The following RHOBTB2 variants were observed in gnomAD, a reference collection of about 807,000 sequenced individuals.
The protein encoded by RHOBTB2 is rho-related BTB domain-containing protein 2.
RHOBTB2 carries 39 observed loss-of-function variants against 66.5 expected under a neutral mutation model. That is an observed-to-expected ratio of 0.59 (90% CI 0.45 to 0.77). RHOBTB2 has a LOEUF of 0.77. Ranked by LOEUF, RHOBTB2 falls within the 30% of genes least tolerant of loss-of-function variation. RHOBTB2 has a pLI of 0.00. For synonymous variants in RHOBTB2, 390 were observed against 395.0 expected (o/e 0.99, Z 0.15); for missense variants, 755 against 999.1 (o/e 0.76, Z 3.29).
chr8:23,006,235 A>G lies in RHOBTB2; in HGVS notation c.482+90A>G, dbSNP rs76359742. On this transcript the variant is annotated intron_variant, in intron 4 of 9. Coordinates refer to ENST00000251822, the MANE Select transcript of RHOBTB2 (RefSeq NM_015178.3). This position sits in a 1 kb window ranked among gnomAD's most constrained non-coding sequence, Gnocchi z 6.1. ...CCCTGGGGGAATTCCACTGAGCCTC[A>G]TATCTCTCCCTCCATTTGGAGCAAG... 1,088 of 1,117,036 alleles carry G rather than the reference A, an allele frequency of 9.7e-4. 11 individuals are homozygous for G. In the African/African-American group the frequency reaches 0.014, roughly 14 times the overall value. The allele number at this position is 1,117,036 out of a possible 1,614,324, so 69.2% of individuals were successfully genotyped here. A position where few individuals can be genotyped will look rare whatever the true frequency, so the allele number is the denominator to read the frequency against.
chr8:22,998,830 C>G (rs996561529), upstream of RHOBTB2: 1 of 151,340 alleles, frequency 6.6e-6, no homozygotes, highest in Non-Finnish European at 1.5e-5. Flanking sequence ...CTTAGAATCT[C>G]TCTATTTTAC....
the RHOBTB2 span, among the ~76,000 whole-genome samples, chr8:22,951,010 GA>G: frequency 2.6e-5 from 4 of 152,058 alleles, no homozygotes; most frequent in Non-Finnish European, 5.9e-5. Flanking sequence ...TGTTAGAAAA[GA>G]AAATGATTTG....
the RHOBTB2 span, among the ~76,000 whole-genome samples, chr8:22,974,423 G>A: frequency 2.0e-5 from 3 of 152,310 alleles, no homozygotes; most frequent in East Asian, 1.9e-4. Context: ...GTGGCCTGCC[G>A]GCTCTTTGTG....
At chr8:22,984,043 G>A (rs1006139496), upstream of RHOBTB2, among the ~76,000 whole-genome samples, 1 of 152,124 alleles carries the variant, frequency 6.6e-6, no homozygotes, top group Non-Finnish European at 1.5e-5. Context: ...CAGTGCCACA[G>A]AATCTTACAC....
At chr8:23,008,162 C>A in intron 6 of RHOBTB2, 51 bp downstream of exon 6, 1 of 1,281,472 alleles carries the variant, frequency 7.8e-7, no homozygotes, top group Non-Finnish European at 1.1e-6. Context: ...CATTTGCACC[C>A]TTTACATCTG....
chr8:22,981,995 T>G, the RHOBTB2 span, among the ~76,000 whole-genome samples: 5 of 152,144 alleles, frequency 3.3e-5, no homozygotes, highest in Non-Finnish European at 1.5e-5. Context: ...AGGCCCTCAA[T>G]GTATAAATGG....
chr8:22,976,989 T>A, the RHOBTB2 span, among the ~76,000 whole-genome samples: 1 of 152,082 alleles, frequency 6.6e-6, no homozygotes, highest in South Asian at 2.1e-4. Context: ...GTACAGTGGC[T>A]TATGCCTGCC....
At chr8:22,995,986 C>T, upstream of RHOBTB2, 1 of 1,093,594 alleles carries the variant, frequency 9.1e-7, no homozygotes, top group Admixed American at 2.0e-5. Flanking sequence ...TGGGCTGGCA[C>T]TGGGAAGGGG....
rs1394972005 is a variant in RHOBTB2 at position 23,020,143 on chromosome 8, A to G, written c.*2674A>G. On this transcript the variant is annotated 3_prime_UTR_variant, in exon 10 of 10. Transcript: ENST00000251822. ...CAAAAACCACACCTCTTTTTATATA[A>G]GGTTTCATATTTAATTTGGTCATGG... The G allele has an allele frequency of 7.7e-6, 3 of 389,678 alleles. No individual in the cohort carries two copies. The highest frequency in any genetic ancestry group is 3.0e-5 in the Admixed American group (1 of 32,840). The allele number at this position is 389,678 out of a possible 1,614,324, so 24.1% of individuals were successfully genotyped here.
At chr8:22,999,076 C>G (rs1810669736), upstream of RHOBTB2, 1 of 152,422 alleles carries the variant, frequency 6.6e-6, no homozygotes, top group Non-Finnish European at 1.5e-5. Context: ...GGAAGGCTCT[C>G]AAGTGCCACG....
At chr8:23,015,371 T>C (rs1026384966) in intron 8 of RHOBTB2, among the ~76,000 whole-genome samples, 3 of 152,062 alleles carry the variant, frequency 2.0e-5, no homozygotes, top group Non-Finnish European at 4.4e-5. Flanking sequence ...AGCCACTACA[T>C]AGGGCTCTGG....
At chr8:22,951,049 C>G in the RHOBTB2 span, among the ~76,000 whole-genome samples, 1 of 152,026 alleles carries the variant, frequency 6.6e-6, no homozygotes, top group African/African-American at 2.4e-5. Flanking sequence ...GAAGAAAAAC[C>G]TTACCAAGGA....
At chr8:23,015,489 TG>T in intron 8 of RHOBTB2, 148 bp from the exon 9 acceptor site, 1 of 595,542 alleles carries the variant, frequency 1.7e-6, no homozygotes, top group Non-Finnish European at 3.0e-6. Flanking sequence ...CAGTTTTGTG[TG>T]GCCTTGCCTC....
Position 23,014,699 on chromosome 8 carries a change from C to G in RHOBTB2, c.1781C>G (p.Thr594Arg), listed in dbSNP as rs1228496136. ...PHLVALTEQY[T>R]VTGLMEATQM... ...GCCGTGTGTGTTACAGAGCAGTACA[C>G]AGTGACCGGGCTGATGGAAGCGACC... The change falls in exon 8 of 10, where the codon ACA (threonine) becomes AGA (arginine). Residue 594 changes from threonine to arginine, a missense_variant. Around this residue, in one of 7 missense-constraint regions of RHOBTB2, gnomAD observed 353 missense variants for 458.2 expected, o/e 0.77. Transcript: ENST00000251822. The G allele has an allele frequency of 6.2e-7, 1 of 1,614,040 alleles. No individual in the cohort carries two copies. Among genetic ancestry groups the G allele is most frequent in the Admixed American group, 1.7e-5 (1 of 60,022 alleles).
upstream of RHOBTB2, among the ~76,000 whole-genome samples, chr8:22,997,964 T>C (rs2128800005): frequency 6.6e-6 from 1 of 152,310 alleles, no homozygotes; most frequent in East Asian, 1.9e-4. Context: ...TAAATATGTA[T>C]TCAAATAAGT....
At chr8:22,964,533 T>C in the RHOBTB2 span, among the ~76,000 whole-genome samples, 1 of 152,270 alleles carries the variant, frequency 6.6e-6, no homozygotes, top group African/African-American at 2.4e-5. Flanking sequence ...CCTGCTCCTA[T>C]ACCAGTCCTC....
chr8:23,001,283 G>T (rs1810770527), intron 1 of RHOBTB2, among the ~76,000 whole-genome samples: 1 of 152,098 alleles, frequency 6.6e-6, no homozygotes, highest in Non-Finnish European at 1.5e-5. Flanking sequence ...TTGTGAGGGA[G>T]AGTCTGGAGT....
the RHOBTB2 span, among the ~76,000 whole-genome samples, chr8:22,959,733 C>G: frequency 1.2e-4 from 19 of 152,134 alleles, no homozygotes; most frequent in South Asian, 8.3e-4. Flanking sequence ...TGCTCTACCC[C>G]CTGTGGTTAC....
chr8:23,005,385 C>T lies in RHOBTB2; in HGVS notation c.206C>T (p.Ser69Phe), dbSNP rs1419943762. The change falls in exon 3 of 10, where the codon TCC (serine) becomes TTC (phenylalanine). Residue 69 changes from serine to phenylalanine, a missense_variant. By Grantham distance (155) the Ser-to-Phe change is radical (BLOSUM62 -2). Around this residue, in one of 7 missense-constraint regions of RHOBTB2, gnomAD observed 65 missense variants for 152.4 expected, o/e 0.43. Coordinates refer to ENST00000251822, the MANE Select transcript of RHOBTB2 (RefSeq NM_015178.3). ...YRVCQEVLER[S>F]RDVVDDVSVS... ...CCCCGTCCCCAGGTGCTGGAACGCT[C>T]CCGAGACGTGGTAGATGATGTCAGC... is the stretch of plus-strand genomic sequence containing the variant. 6.2e-7 allele frequency: 1 copy of T among 1,613,646 alleles called. No individual in the cohort carries two copies. The highest frequency in any genetic ancestry group is 8.5e-7 in the Non-Finnish European group (1 of 1,179,666).
Sources: gnomAD v4.1 joint callset for allele counts (sites outside exome capture counted in the v4.1 genomes callset) on GRCh38, gnomAD v4.1.1 for gene constraint, gnomAD v4.1.1 regional missense constraint, Gnocchi (gnomAD v3.1) non-coding constraint, MANE v1.5 for transcripts, NCBI Gene and HGNC (gene_info 2026-07-23, HGNC 2026-07-21) for gene names.